Variants in PRELID2 observed in about 807,000 individuals in gnomAD.
PRELID2 encodes the protein PRELI domain containing 2.
A neutral mutation model predicts 28.4 loss-of-function variants in PRELID2; 25 were observed. That is an observed-to-expected ratio of 0.88 (90% CI 0.64 to 1.23). The LOEUF is 1.23. Ranked by LOEUF, PRELID2 falls within the 50% of genes most tolerant of loss-of-function variation. The probability of loss-of-function intolerance (pLI) is 0.00; values close to 1 mark genes in which losing one functional copy is unlikely to be tolerated. For missense variants in PRELID2, 201 were observed against 214.4 expected (o/e 0.94, Z 0.39); for synonymous variants, 76 against 71.6 (o/e 1.06, Z -0.31).
the PRELID2 span, among the ~76,000 whole-genome samples, chr5:145,323,000 T>G: frequency 6.6e-6 from 1 of 151,940 alleles, no homozygotes; most frequent in African/African-American, 2.4e-5. Context: ...AATAAATGAA[T>G]AAATAAACGA....
the PRELID2 span, among the ~76,000 whole-genome samples, chr5:145,246,553 C>T: frequency 1.3e-5 from 2 of 152,014 alleles, no homozygotes; most frequent in African/African-American, 2.4e-5. Flanking sequence ...TCCTTCCTTC[C>T]TTCCTTCCTT....
chr5:145,336,856 G>A, the PRELID2 span, among the ~76,000 whole-genome samples: 14 of 150,304 alleles, frequency 9.3e-5, no homozygotes, highest in African/African-American at 1.2e-4. Context: ...GTAAACTATC[G>A]CAAGAACAAA....
chr5:145,434,413 T>G, the PRELID2 span, among the ~76,000 whole-genome samples: 4 of 152,322 alleles, frequency 2.6e-5, no homozygotes, highest in East Asian at 1.9e-4. Flanking sequence ...ACTGGATAAC[T>G]GTATCATTTG....
chr5:145,803,200 A>G (rs1387432989), intron 4 of PRELID2, among the ~76,000 whole-genome samples: 2 of 151,960 alleles, frequency 1.3e-5, no homozygotes, highest in African/African-American at 2.4e-5. Flanking sequence ...CTCCTGACCA[A>G]CTCCCTGGCT....
chr5:145,442,957 T>A, the PRELID2 span, among the ~76,000 whole-genome samples: 1 of 152,052 alleles, frequency 6.6e-6, no homozygotes, highest in Non-Finnish European at 1.5e-5. Flanking sequence ...CGTGGCAAGA[T>A]GAGGGCATTT....
At chr5:145,677,741 C>T (rs1754848367) in intron 1 of PRELID2, among the ~76,000 whole-genome samples, 1 of 151,956 alleles carries the variant, frequency 6.6e-6, no homozygotes, top group Non-Finnish European at 1.5e-5. Flanking sequence ...ACTGAAGCAC[C>T]ACCATTCACC....
chr5:145,317,831 G>C, the PRELID2 span, among the ~76,000 whole-genome samples: 719 of 152,236 alleles, frequency 4.7e-3, 7 homozygotes, highest in African/African-American at 0.017. Context: ...CTCATCTTTA[G>C]GTAACCTCAC....
At chr5:145,436,451 C>A in the PRELID2 span, among the ~76,000 whole-genome samples, 1 of 152,044 alleles carries the variant, frequency 6.6e-6, no homozygotes, top group Admixed American at 6.6e-5. Flanking sequence ...TATATGCCCC[C>A]AAAATGGGAT....
intron 1 of PRELID2, among the ~76,000 whole-genome samples, chr5:145,720,871 T>C (rs35476425): frequency 0.019 from 2,935 of 152,194 alleles, 40 homozygotes; most frequent in South Asian, 0.043. Context: ...CTCAAATGTT[T>C]TGGCCTCTGA....
intron 1 of PRELID2, among the ~76,000 whole-genome samples, chr5:145,829,190 C>T (rs1234481534): frequency 6.6e-6 from 1 of 152,092 alleles, no homozygotes; most frequent in Non-Finnish European, 1.5e-5. Context: ...CATGAGCCAC[C>T]ATGCCTGGCC....
the PRELID2 span, among the ~76,000 whole-genome samples, chr5:145,425,175 A>G: frequency 2.0e-5 from 3 of 152,368 alleles, no homozygotes; most frequent in Admixed American, 6.5e-5. Context: ...ATCACTGATC[A>G]TTAAAGAAAT....
intron 1 of PRELID2, among the ~76,000 whole-genome samples, chr5:145,544,783 T>C (rs57021296): frequency 6.6e-6 from 1 of 152,146 alleles, no homozygotes; most frequent in African/African-American, 2.4e-5. Flanking sequence ...TTTTATCAAA[T>C]CTTCTTTCTC....
rs112059459 is a variant in PRELID2, at chr5:145,695,089, G to A, written n.70+69842C>T. Among the ~76,000 whole-genome samples the A allele has an allele frequency of 7.8e-3, 1,192 of 152,180 alleles. 13 individuals are homozygous for A. The highest frequency in any genetic ancestry group is 0.012 in the Non-Finnish European group (838 of 68,020). On this transcript the variant is annotated intron_variant and non_coding_transcript_variant, in intron 1 of 2. Coordinates refer to the PRELID2 transcript ENST00000510259. ...TACTTTGCAAAGTATAAAATCTTAT[G>A]GTCAAACATCACTAACAAGTAAAGA...
the PRELID2 span, among the ~76,000 whole-genome samples, chr5:145,287,186 T>C: frequency 6.6e-6 from 1 of 152,178 alleles, no homozygotes; most frequent in Non-Finnish European, 1.5e-5. Context: ...GCAGCTTACA[T>C]AGTACCAAAC....
chr5:145,705,747 G>A (rs569291086), intron 1 of PRELID2, among the ~76,000 whole-genome samples: 14 of 152,162 alleles, frequency 9.2e-5, no homozygotes, highest in African/African-American at 1.7e-4. Context: ...GATAATATGC[G>A]AAAACAAAAT....
Position 145,682,531 on chromosome 5 carries a change from T to TA in PRELID2, n.70+82399dup, listed in dbSNP as rs1187825997. ...ACTTCGCCCAGATGTATTAACAGGG[T>TA]AGAAGGTCAGGAAAAGCAGAGAAAA... is the stretch of plus-strand genomic sequence containing the variant. On this transcript the variant is annotated intron_variant and non_coding_transcript_variant, in intron 1 of 2. Coordinates refer to the PRELID2 transcript ENST00000510259. Among the ~76,000 whole-genome samples, 3 of 152,120 alleles carry TA rather than the reference T, an allele frequency of 2.0e-5. No homozygotes were observed. The East Asian group carries it at 5.8e-4, about 29-fold the overall frequency.
intron 1 of PRELID2, among the ~76,000 whole-genome samples, chr5:145,530,488 C>A (rs1444849604): frequency 6.6e-6 from 1 of 151,674 alleles, no homozygotes; most frequent in Non-Finnish European, 1.5e-5. Context: ...AGGAGTTAGT[C>A]CAAAGGAAAT....
chr5:145,355,900 T>C, the PRELID2 span, among the ~76,000 whole-genome samples: 1 of 152,168 alleles, frequency 6.6e-6, no homozygotes, highest in African/African-American at 2.4e-5. Context: ...CATATAAATG[T>C]AGCAATTATT....
chr5:145,739,139 T>A (rs1299290663), intron 1 of PRELID2, among the ~76,000 whole-genome samples: 1 of 151,992 alleles, frequency 6.6e-6, no homozygotes, highest in East Asian at 1.9e-4. Context: ...ACTGAAAAAA[T>A]TAGTCACCAG....
Sources: allele counts gnomAD v4.1 joint callset (sites outside exome capture counted in the v4.1 genomes callset), GRCh38; gene constraint gnomAD v4.1.1; transcripts MANE v1.5; gene names NCBI Gene and HGNC (gene_info 2026-07-23, HGNC 2026-07-21).